Variants in COL5A2 observed in about 807,000 individuals in gnomAD.
The protein encoded by COL5A2 is collagen type V alpha 2 chain.
Under a neutral mutation model 208.2 loss-of-function variants are expected in COL5A2, and 23 were observed. That is an observed-to-expected ratio of 0.11 (90% CI 0.08 to 0.16). COL5A2 has a LOEUF of 0.16. COL5A2 is among the 10% of genes least tolerant of loss of function. The probability of loss-of-function intolerance (pLI) is 1.00; values close to 1 mark genes in which losing one functional copy is unlikely to be tolerated. For synonymous variants in COL5A2, 625 were observed against 628.5 expected (o/e 0.99, Z 0.08); for missense variants, 1,590 against 1,956.4 (o/e 0.81, Z 3.53).
In COL5A2 at chr2:189,084,043, T is replaced by C. The variant is rs111586240; in HGVS notation, c.799-6A>G. 59 of 1,610,398 alleles carry C rather than the reference T, an allele frequency of 3.7e-5. No individual in the cohort carries two copies. In the Admixed American group the frequency reaches 4.8e-4, roughly 13 times the overall value. ...CCATTTCTGCCAGGTTCACCCTTTA[T>C]GGAAAAAAATGTAGGAGATTGGGAA... On this transcript the variant is annotated splice_polypyrimidine_tract_variant and splice_region_variant and intron_variant, in intron 11 of 53. Coordinates refer to ENST00000374866, the MANE Select transcript of COL5A2 (RefSeq NM_000393.5).
intron 1 of COL5A2, among the ~76,000 whole-genome samples, chr2:189,208,305 A>G (rs1386781686): frequency 6.6e-6 from 1 of 152,244 alleles, no homozygotes; most frequent in Non-Finnish European, 1.5e-5. Flanking sequence ...CACAATGTCC[A>G]TTACATAATA....
At chr2:189,353,419 T>A in the COL5A2 span, among the ~76,000 whole-genome samples, 1 of 152,236 alleles carries the variant, frequency 6.6e-6, no homozygotes, top group Non-Finnish European at 1.5e-5. Context: ...TTCCTATCCA[T>A]GAGCATGGAA....
At chr2:189,076,739 G>C (rs539112906) in intron 16 of COL5A2, among the ~76,000 whole-genome samples, 23 of 152,242 alleles carry the variant, frequency 1.5e-4, no homozygotes, top group African/African-American at 5.5e-4. Context: ...CCTGGATTGG[G>C]AGGAGTCGGA....
At chr2:189,258,472 A>T in the COL5A2 span, among the ~76,000 whole-genome samples, 1 of 152,226 alleles carries the variant, frequency 6.6e-6, no homozygotes, top group Non-Finnish European at 1.5e-5. Flanking sequence ...TTAGCTAAAA[A>T]CATCTGATCA....
At chr2:189,136,522 A>ATG (rs386392116) in intron 1 of COL5A2, among the ~76,000 whole-genome samples, 1 of 149,462 alleles carries the variant, frequency 6.7e-6, no homozygotes, top group Non-Finnish European at 1.5e-5. Context: ...ATAAATATAT[A>ATG]TGTATATAAA....
chr2:189,354,939 A>G, the COL5A2 span, among the ~76,000 whole-genome samples: 2 of 152,186 alleles, frequency 1.3e-5, no homozygotes, highest in African/African-American at 4.8e-5. Flanking sequence ...TTCCCTCTAC[A>G]CACTGCTTTA....
At chr2:189,311,158 C>T in the COL5A2 span, 1 of 668,584 alleles carries the variant, frequency 1.5e-6, no homozygotes, top group Non-Finnish European at 2.6e-6. Context: ...ACCCCCAGCA[C>T]TGCACAGCCA....
chr2:189,262,780 C>G, the COL5A2 span, among the ~76,000 whole-genome samples: 2 of 152,042 alleles, frequency 1.3e-5, no homozygotes, highest in African/African-American at 4.8e-5. Flanking sequence ...TTCAGATCCT[C>G]AACCATGATG....
the COL5A2 span, among the ~76,000 whole-genome samples, chr2:189,396,671 TAA>T: frequency 0.83 from 84,556 of 102,478 alleles, 35,745 homozygotes; most frequent in Non-Finnish European, 0.92. Context: ...AAGACTCCAT[TAA>T]AAAAAAAAAA....
At chr2:189,386,453 C>T in the COL5A2 span, among the ~76,000 whole-genome samples, 1 of 151,972 alleles carries the variant, frequency 6.6e-6, no homozygotes, top group Non-Finnish European at 1.5e-5. Context: ...CCAAAAGCAA[C>T]TGCAACAAAA....
the COL5A2 span, among the ~76,000 whole-genome samples, chr2:189,427,142 C>A: frequency 6.6e-6 from 1 of 152,220 alleles, no homozygotes; most frequent in African/African-American, 2.4e-5. Context: ...GTTTATTGGG[C>A]CAGGCCCAGG....
At chr2:189,346,667 G>A in the COL5A2 span, among the ~76,000 whole-genome samples, 4 of 152,194 alleles carry the variant, frequency 2.6e-5, no homozygotes, top group African/African-American at 4.8e-5. Context: ...GTTTCCAACA[G>A]AGAGGATTTA....
chr2:189,333,082 T>C, the COL5A2 span, among the ~76,000 whole-genome samples: 1 of 152,142 alleles, frequency 6.6e-6, no homozygotes, highest in Non-Finnish European at 1.5e-5. Context: ...TTCATAGTAA[T>C]TAAATGAGAA....
At chr2:189,046,829 A>C (rs1685678417) in intron 45 of COL5A2, among the ~76,000 whole-genome samples, 1 of 152,188 alleles carries the variant, frequency 6.6e-6, no homozygotes, top group East Asian at 1.9e-4. Context: ...AAAAAAAAAA[A>C]ATACTTGCCC....
rs1019011184 is a variant in COL5A2, at chr2:189,035,276, A to G, written c.4114-121T>C. 4.7e-6 allele frequency: 6 copies of G among 1,288,932 alleles called. No homozygotes were observed. In the South Asian group the frequency reaches 7.8e-5, roughly 17 times the overall value. The allele number at this position is 1,288,932 out of a possible 1,614,324, so 79.8% of individuals were successfully genotyped here. A position where few individuals can be genotyped will look rare whatever the true frequency, so the allele number is the denominator to read the frequency against. On this transcript the variant is annotated intron_variant, in intron 52 of 53. Coordinates refer to ENST00000374866, the MANE Select transcript of COL5A2 (RefSeq NM_000393.5). ...ATCAATTTTGAAGAGTATTACTTTA[A>G]TTCTTGTCATAAAGTAAGCTATTCT... is the stretch of plus-strand genomic sequence containing the variant.
the COL5A2 span, among the ~76,000 whole-genome samples, chr2:189,334,710 T>C: frequency 6.6e-6 from 1 of 152,022 alleles, no homozygotes; most frequent in East Asian, 1.9e-4. Flanking sequence ...GCAGGTGTCT[T>C]GGACAAAATA....
chr2:189,214,094 T>C (rs868570635), intron 1 of COL5A2, among the ~76,000 whole-genome samples: 11 of 152,298 alleles, frequency 7.2e-5, no homozygotes, highest in African/African-American at 1.9e-4. Context: ...TTTGTGTACA[T>C]AGATTTTTAA....
At chr2:189,133,254 G>A (rs1218237931) in intron 1 of COL5A2, 1 of 148,740 alleles carries the variant, frequency 6.7e-6, no homozygotes, top group Non-Finnish European at 1.5e-5. Context: ...TCGAGTAGCT[G>A]GGACTACACC....
At chr2:189,260,723 G>A in the COL5A2 span, among the ~76,000 whole-genome samples, 4 of 152,154 alleles carry the variant, frequency 2.6e-5, no homozygotes, top group Non-Finnish European at 4.4e-5. Context: ...GGAAAGAAAG[G>A]TGGTGACCAG....
Sources: allele counts gnomAD v4.1 joint callset (sites outside exome capture counted in the v4.1 genomes callset), GRCh38; gene constraint gnomAD v4.1.1; transcripts MANE v1.5; gene names NCBI Gene and HGNC (gene_info 2026-07-23, HGNC 2026-07-21).